Variants in FAM184A observed in about 807,000 individuals in gnomAD.
FAM184A encodes the protein family with sequence similarity 184 member A.
Under a neutral mutation model 143.8 loss-of-function variants are expected in FAM184A, and 99 were observed. That is an observed-to-expected ratio of 0.69 (90% CI 0.58 to 0.81). The LOEUF (loss-of-function observed/expected upper bound fraction) is 0.81, where lower values mean the gene tolerates loss of function less well. Ranked by LOEUF, FAM184A falls within the 40% of genes least tolerant of loss-of-function variation. The probability of loss-of-function intolerance (pLI) is 0.00; values close to 1 mark genes in which losing one functional copy is unlikely to be tolerated. For missense variants in FAM184A, 1,217 were observed against 1,310.5 expected (o/e 0.93, Z 1.10); for synonymous variants, 427 against 446.4 (o/e 0.96, Z 0.55).
intron 1 of FAM184A, among the ~76,000 whole-genome samples, chr6:119,037,911 G>A (rs1156541563): frequency 6.6e-6 from 1 of 152,130 alleles, no homozygotes; most frequent in African/African-American, 2.4e-5. Context: ...TTTTATCTAC[G>A]AGGCATCTTT....
chr6:119,074,330 A>T (rs1435381314), intron 1 of FAM184A, among the ~76,000 whole-genome samples: 1 of 152,184 alleles, frequency 6.6e-6, no homozygotes, highest in Admixed American at 6.5e-5. Flanking sequence ...TTCCCTAGTT[A>T]CTGGTTTCCC....
At chr6:119,006,413 C>T (rs373944664) in intron 7 of FAM184A, 34 bp downstream of exon 7, 31 of 1,593,478 alleles carry the variant, frequency 1.9e-5, no homozygotes, top group African/African-American at 6.8e-5. Flanking sequence ...TTTATTTTGC[C>T]GCTGTTTAGA....
intron 1 of FAM184A, among the ~76,000 whole-genome samples, chr6:119,136,502 G>A (rs1789670926): frequency 6.6e-6 from 1 of 152,118 alleles, no homozygotes; most frequent in Non-Finnish European, 1.5e-5. Context: ...GTGTCACTGA[G>A]AGTTTTTTGG....
At chr6:118,964,556 A>G (rs1783435167) in intron 16 of FAM184A, 111 bp downstream of exon 16, 2 of 510,612 alleles carry the variant, frequency 3.9e-6, no homozygotes, top group Admixed American at 3.4e-5. Context: ...ATTAAATAGA[A>G]GAAAACATTT....
intron 1 of FAM184A, among the ~76,000 whole-genome samples, chr6:119,127,574 A>G (rs1789405218): frequency 6.6e-6 from 1 of 152,216 alleles, no homozygotes; most frequent in Non-Finnish European, 1.5e-5. Context: ...CTATCTAATT[A>G]TGTGATCCCG....
At chr6:119,003,711 CTTTTAA>C (rs1363278017) in intron 7 of FAM184A, 89 bp from the exon 8 acceptor site, 2 of 1,302,210 alleles carry the variant, frequency 1.5e-6, no homozygotes, top group Non-Finnish European at 2.0e-6. Context: ...TGTATTAAAA[CTTTTAA>C]TTTTAAATTC....
chr6:118,986,456 A>G (rs1010843495), intron 9 of FAM184A, among the ~76,000 whole-genome samples: 2 of 152,210 alleles, frequency 1.3e-5, no homozygotes, highest in African/African-American at 4.8e-5. Context: ...GGTACACACC[A>G]TGTACAGAGG....
chr6:119,019,449 G>A (rs1785371775), intron 4 of FAM184A, among the ~76,000 whole-genome samples: 1 of 152,148 alleles, frequency 6.6e-6, no homozygotes, highest in African/African-American at 2.4e-5. Context: ...AGACGTTGAG[G>A]GAAAGAGAAA....
At chr6:119,054,128 ACATTT>A in intron 1 of FAM184A, among the ~76,000 whole-genome samples, 1 of 152,318 alleles carries the variant, frequency 6.6e-6, no homozygotes, top group South Asian at 2.1e-4. Flanking sequence ...CCTTCCCAAT[ACATTT>A]ATCTTTCTAC....
At chr6:119,068,301 G>A (rs955102020) in intron 1 of FAM184A, among the ~76,000 whole-genome samples, 3 of 151,906 alleles carry the variant, frequency 2.0e-5, no homozygotes, top group Non-Finnish European at 4.4e-5. Context: ...CACCCACCTC[G>A]GCCTCCCAAA....
chr6:119,023,073 T>C lies in FAM184A; in HGVS notation c.1022A>G (p.Gln341Arg), dbSNP rs762279129. Residue 341 changes from glutamine to arginine, a missense_variant, in exon 3 of 18, where the codon CAA becomes CGA. By Grantham distance (43) the Gln-to-Arg change is conservative (BLOSUM62 1). Transcript: ENST00000338891. ...AIAENNVQVL[Q>R]KQLDDAKEGE... ...CTCCTTGGCATCATCAAGCTGTTTT[T>C]GAAGAACCTAAGAAAGATTAAATAG... 1 of 1,614,088 alleles carries C rather than the reference T, an allele frequency of 6.2e-7. No homozygotes were observed. The highest frequency in any genetic ancestry group is 1.1e-5 in the South Asian group (1 of 91,080).
chr6:118,966,837 T>G lies in FAM184A; in HGVS notation c.3031A>C (p.Ile1011Leu), dbSNP rs771685857. ...AGACTAAAACCAAAATATCTTACAA[T>G]TAGTTTCTTTATGATCTGGTCTCTT... is the stretch of plus-strand genomic sequence containing the variant. ...TERDQIIKKL[I>L]EDNKFYQLEL... Residue 1011 changes from isoleucine (I) to leucine (L), a missense_variant and splice_region_variant, in exon 15 of 18, where the codon ATT (isoleucine) becomes CTT (leucine). Physicochemically the swap from Ile to Leu is conservative, Grantham distance 5 (BLOSUM62 2). Coordinates refer to ENST00000338891, the MANE Select transcript of FAM184A (RefSeq NM_024581.6). The G allele has an allele frequency of 1.3e-6, 2 of 1,508,768 alleles. No individual in the cohort carries two copies. Among genetic ancestry groups the G allele is most frequent in the South Asian group, 2.4e-5 (2 of 84,996 alleles). The allele number at this position is 1,508,768 out of a possible 1,614,324, so 93.5% of individuals were successfully genotyped here.
chr6:119,036,833 T>G (rs912369081), intron 1 of FAM184A, among the ~76,000 whole-genome samples: 6 of 152,158 alleles, frequency 3.9e-5, no homozygotes, highest in Admixed American at 6.5e-5. Flanking sequence ...ATAATATATA[T>G]TAAGTGTCAA....
At chr6:119,102,782 C>G (rs1239006709) in intron 1 of FAM184A, among the ~76,000 whole-genome samples, 1 of 16,240 alleles carries the variant, frequency 6.2e-5, no homozygotes, top group African/African-American at 2.6e-4. Context: ...GAGACTCCAT[C>G]TCAAAAAAAA....
At chr6:119,076,674 G>C (rs766259075) in intron 1 of FAM184A, among the ~76,000 whole-genome samples, 4 of 152,202 alleles carry the variant, frequency 2.6e-5, no homozygotes, top group Admixed American at 2.6e-4. Context: ...AATGAGAACA[G>C]TGGATGTTAT....
At chr6:119,079,386 G>GT (rs1049187469), upstream of FAM184A, among the ~76,000 whole-genome samples, 1 of 152,102 alleles carries the variant, frequency 6.6e-6, no homozygotes, top group African/African-American at 2.4e-5. Context: ...CGGAGTGAAA[G>GT]TAATGGTAAA....
intron 1 of FAM184A, among the ~76,000 whole-genome samples, chr6:119,086,499 G>T (rs776733652): frequency 4.6e-5 from 7 of 152,132 alleles, no homozygotes; most frequent in Non-Finnish European, 8.8e-5. Flanking sequence ...GGTAAAATGG[G>T]TAGGAAGGTA....
At position 119,119,700 on chromosome 6, in the gene FAM184A, G is replaced by A. The variant is rs375474581; in HGVS notation, c.-202+29378C>T. On this transcript the variant is annotated intron_variant, in intron 1 of 16. Transcript: ENST00000352896. The stretch of plus-strand genomic sequence containing the variant: ...AATAGCTATATTGAGGCTAGGTGTC[G>A]TGGCTCATGCCTGTAAACCCAGCAC... 1.1e-4 allele frequency among the ~76,000 whole-genome samples: 17 copies of A among 152,238 alleles called. No individual in the cohort carries two copies. In the East Asian group the frequency reaches 1.5e-3, roughly 14 times the overall value.
intron 1 of FAM184A, 58 bp from the exon 2 acceptor site, chr6:119,024,871 T>G: frequency 7.0e-7 from 1 of 1,424,732 alleles, no homozygotes; most frequent in Non-Finnish European, 9.4e-7. Flanking sequence ...TTTTCTAACT[T>G]GAAGTCAATT....
Sources: gnomAD v4.1 joint callset for allele counts (sites outside exome capture counted in the v4.1 genomes callset) on GRCh38, gnomAD v4.1.1 for gene constraint, MANE v1.5 for transcripts, NCBI Gene and HGNC (gene_info 2026-07-23, HGNC 2026-07-21) for gene names.